CLSTN1: variants seen among roughly 807,000 people sequenced by gnomAD.
The protein encoded by CLSTN1 is calsyntenin-1.
CLSTN1 carries 28 observed loss-of-function variants against 108.3 expected under a neutral mutation model. The ratio of observed to expected loss-of-function variants is 0.26; its 90% CI spans 0.19 to 0.35. The LOEUF is 0.35. Among genes scored for constraint, CLSTN1 ranks in the 10% least tolerant of loss-of-function variants. CLSTN1 has a pLI of 1.00. For synonymous variants in CLSTN1, 524 were observed against 534.9 expected (o/e 0.98, Z 0.28); for missense variants, 1,157 against 1,302.6 (o/e 0.89, Z 1.72).
chr1:9,737,479 A>G lies in CLSTN1; in HGVS notation c.1576+19T>C, dbSNP rs746846370. 2 of 1,607,816 alleles carry G rather than the reference A, an allele frequency of 1.2e-6. No homozygotes were observed. The highest frequency in any genetic ancestry group is 1.7e-6 in the Non-Finnish European group (2 of 1,174,264). On this transcript the variant is annotated intron_variant, in intron 11 of 18. Coordinates refer to ENST00000377298, the MANE Select transcript of CLSTN1 (RefSeq NM_001009566.3). ...TTAAATGAAACACAATAGTGAATGT[A>G]GGGAAAAAATCCAGCAACCTGCAGA...
Position 9,823,593 on chromosome 1 carries a change from G to A in CLSTN1, c.91+50C>T, listed in dbSNP as rs1435747330. ...CACCGGGACCCGAATCCTGCACCCGGACCCGAATCCCGCACCGACCCAGCG... is the reference window on the plus strand; with the variant it reads ...CACCGGGACCCGAATCCTGCACCCGAACCCGAATCCCGCACCGACCCAGCG... On this transcript the variant is annotated intron_variant, in intron 1 of 18. Coordinates refer to ENST00000377298, the MANE Select transcript of CLSTN1 (RefSeq NM_001009566.3). The surrounding 1 kb of genome is among the most constrained non-coding windows in gnomAD (Gnocchi z 6.3). 1 of 1,140,886 alleles carries A rather than the reference G, an allele frequency of 8.8e-7. No individual in the cohort carries two copies. Among genetic ancestry groups the A allele is most frequent in the African/African-American group, 1.6e-5 (1 of 61,630 alleles). The allele number at this position is 1,140,886 out of a possible 1,614,324, so 70.7% of individuals were successfully genotyped here.
chr1:9,774,357 G>A (rs897937901), intron 1 of CLSTN1, among the ~76,000 whole-genome samples: 1 of 152,086 alleles, frequency 6.6e-6, no homozygotes, highest in Non-Finnish European at 1.5e-5. Context: ...CCTGAGGTCA[G>A]GAGTTTGTGA....
chr1:9,735,477 T>C lies in CLSTN1; in HGVS notation c.1873A>G (p.Ser625Gly), dbSNP rs745913768. The C allele has an allele frequency of 6.2e-7, 1 of 1,614,212 alleles. No homozygotes were observed. Among genetic ancestry groups the C allele is most frequent in the Admixed American group, 1.7e-5 (1 of 60,010 alleles). ...AAAATCAGGACGTACTTGATTGTGC[T>C]GGTGATTTTGAGTCTGCGAATTCCG... is the stretch of plus-strand genomic sequence containing the variant. ...TPGIRRLKIT[S>G]TIKCFNEATC... is the part of the protein sequence containing the mutation. The change falls in exon 13 of 19, where the codon AGC becomes GGC. Residue 625 changes from serine to glycine, a missense_variant. By Grantham distance (56) the Ser-to-Gly change is moderately conservative. Coordinates refer to ENST00000377298, the MANE Select transcript of CLSTN1 (RefSeq NM_001009566.3).
chr1:9,749,815 C>T lies in CLSTN1; in HGVS notation c.748G>A (p.Asp250Asn). 6.2e-7 allele frequency: 1 copy of T among 1,614,218 alleles called. No individual in the cohort carries two copies. Among genetic ancestry groups the T allele is most frequent in the Non-Finnish European group, 8.5e-7 (1 of 1,180,038 alleles). ...YDCGKKRATE[D>N]VLVKISIKPT... ...TTAATGCTGATCTTCACCAAAACAT[C>T]TTCTGTGGCTCTTTTCTTCCCACAG... Residue 250 changes from aspartate (D) to asparagine (N), a missense_variant, in exon 6 of 19, where the codon GAT (aspartate) becomes AAT (asparagine). Asp to Asn is a conservative substitution (Grantham distance 23, BLOSUM62 1). Coordinates refer to ENST00000377298, the MANE Select transcript of CLSTN1 (RefSeq NM_001009566.3).
At chr1:9,810,108 A>G (rs1452896045) in intron 1 of CLSTN1, among the ~76,000 whole-genome samples, 8 of 1,474 alleles carry the variant, frequency 5.4e-3, no homozygotes, top group Admixed American at 8.9e-3. Context: ...AGGGAGGGAG[A>G]GAGGGAAGGA....
At chr1:9,748,904 A>T (rs1396065251) in intron 7 of CLSTN1, among the ~76,000 whole-genome samples, 1 of 151,672 alleles carries the variant, frequency 6.6e-6, no homozygotes, top group African/African-American at 2.4e-5. Context: ...ACTTCCTTCA[A>T]ATCAGTGGTT....
chr1:9,737,925 A>C (rs1229030637), intron 10 of CLSTN1, among the ~76,000 whole-genome samples: 1 of 152,208 alleles, frequency 6.6e-6, no homozygotes, highest in Non-Finnish European at 1.5e-5. Context: ...GCTGCTCCCG[A>C]TATAAACACC....
At chr1:9,799,360 A>G (rs980506341) in intron 1 of CLSTN1, among the ~76,000 whole-genome samples, 1 of 152,016 alleles carries the variant, frequency 6.6e-6, no homozygotes, top group African/African-American at 2.4e-5. Flanking sequence ...AATTCCAGGG[A>G]GCCGGGCGCG....
chr1:9,774,067 T>C (rs893759526), intron 1 of CLSTN1, among the ~76,000 whole-genome samples: 3 of 152,208 alleles, frequency 2.0e-5, no homozygotes, highest in African/African-American at 4.8e-5. Context: ...TTTTTTCTTT[T>C]TTCTCTGTTG....
chr1:9,768,296 C>T (rs1246708829), intron 2 of CLSTN1, among the ~76,000 whole-genome samples: 9 of 128,876 alleles, frequency 7.0e-5, no homozygotes, highest in African/African-American at 2.1e-4. Context: ...ATCATGGGGG[C>T]GGGGTTCTGT....
intron 1 of CLSTN1, among the ~76,000 whole-genome samples, chr1:9,787,736 A>G (rs1268895055): frequency 1.3e-5 from 2 of 151,382 alleles, no homozygotes; most frequent in Non-Finnish European, 2.9e-5. Flanking sequence ...AATGTGGGAA[A>G]ATACACAGTA....
chr1:9,754,482 C>T (rs1183005155), intron 4 of CLSTN1, among the ~76,000 whole-genome samples: 2 of 152,076 alleles, frequency 1.3e-5, no homozygotes, highest in Non-Finnish European at 2.9e-5. Context: ...TCACTTGAAA[C>T]CGGAAGGCGG....
At chr1:9,750,791 A>G (rs1570451420) in intron 5 of CLSTN1, among the ~76,000 whole-genome samples, 1 of 150,526 alleles carries the variant, frequency 6.6e-6, no homozygotes. Context: ...TGGCTCACAC[A>G]TGTAATCCCA....
intron 1 of CLSTN1, among the ~76,000 whole-genome samples, chr1:9,793,799 T>G (rs1468133704): frequency 6.6e-6 from 1 of 151,468 alleles, no homozygotes; most frequent in East Asian, 2.0e-4. Context: ...TCTCAAAATC[T>G]CTGAAATGTA....
At chr1:9,814,135 C>T (rs1453813885) in intron 1 of CLSTN1, among the ~76,000 whole-genome samples, 1 of 151,018 alleles carries the variant, frequency 6.6e-6, no homozygotes, top group Non-Finnish European at 1.5e-5. Context: ...TTAGGCTGAG[C>T]ATGGTGGCTC....
intron 1 of CLSTN1, among the ~76,000 whole-genome samples, chr1:9,811,841 T>G (rs910359174): frequency 6.6e-6 from 1 of 152,122 alleles, no homozygotes; most frequent in East Asian, 1.9e-4. Flanking sequence ...TCAAATCATT[T>G]TAAAAGTAAA....
chr1:9,792,601 A>ACGGGTGT (rs756373112), intron 1 of CLSTN1, among the ~76,000 whole-genome samples: 4 of 151,410 alleles, frequency 2.6e-5, no homozygotes, highest in Non-Finnish European at 5.9e-5. Context: ...GACTCCAGCC[A>ACGGGTGT]CGGGTGTCGG....
chr1:9,809,808 G>A lies in CLSTN1; in HGVS notation c.91+13835C>T, dbSNP rs149402443. Among the ~76,000 whole-genome samples, 614 of 151,558 alleles carry A rather than the reference G, an allele frequency of 4.1e-3. 11 individuals are homozygous for A. Among genetic ancestry groups the A allele is most frequent in the East Asian group, 0.04 (204 of 5,056 alleles). ...CCCAGCTACTCGGGAGGGTGAGACA[G>A]AAGAACTGCTGGAACCTGGGGGACA... On this transcript the variant is annotated intron_variant, in intron 1 of 18. Transcript: ENST00000377298.
chr1:9,823,747 C>A lies in CLSTN1; in HGVS notation c.-14G>T. The A allele has an allele frequency of 1.9e-6, 2 of 1,039,582 alleles. No individual in the cohort carries two copies. Among genetic ancestry groups the A allele is most frequent in the Non-Finnish European group, 2.3e-6 (2 of 866,122 alleles). 64.4% of individuals were successfully genotyped at this position (1,039,582 alleles called of 1,614,324 possible). ...GCGGCGCAGCATCGCCAGCCCGGGG[C>A]GGGAGCGGCAGGGAGGCGCGCGGGA... On this transcript the variant is annotated 5_prime_UTR_variant, in exon 1 of 19. Coordinates refer to ENST00000377298, the MANE Select transcript of CLSTN1 (RefSeq NM_001009566.3). The surrounding 1 kb of genome is among the most constrained non-coding windows in gnomAD (Gnocchi z 6.3).
Sources: allele counts gnomAD v4.1 joint callset (sites outside exome capture counted in the v4.1 genomes callset), GRCh38; gene constraint gnomAD v4.1.1; non-coding constraint Gnocchi (gnomAD v3.1); transcripts MANE v1.5; gene names NCBI Gene and HGNC (gene_info 2026-07-23, HGNC 2026-07-21).